The following BAZ1A variants were observed in gnomAD, a reference collection of about 807,000 sequenced individuals.
The protein encoded by BAZ1A is bromodomain adjacent to zinc finger domain 1A.
In BAZ1A, 50 loss-of-function variants were observed where a neutral mutation model predicts 185.2. The ratio of observed to expected loss-of-function variants is 0.27; its 90% CI spans 0.22 to 0.34. The LOEUF (loss-of-function observed/expected upper bound fraction) is 0.34, where lower values mean the gene tolerates loss of function less well. Among genes scored for constraint, BAZ1A ranks in the 10% least tolerant of loss-of-function variants. BAZ1A has a pLI of 1.00. For synonymous variants in BAZ1A, 571 were observed against 615.6 expected, an observed-to-expected ratio of 0.93 and a Z score of 1.07; for missense variants, 1,356 against 1,839.9, an observed-to-expected ratio of 0.74 and a Z score of 4.81.
chr14:34,841,411 G>A (rs890215876), intron 3 of BAZ1A, among the ~76,000 whole-genome samples: 3 of 151,340 alleles, frequency 2.0e-5, no homozygotes, highest in Admixed American at 6.6e-5. Flanking sequence ...CTTTTTTTTG[G>A]AGACAGTCTC....
intron 4 of BAZ1A, 78 bp from the exon 5 acceptor site, chr14:34,811,114 G>T: frequency 2.0e-6 from 2 of 1,004,338 alleles, no homozygotes; most frequent in South Asian, 1.5e-5. Context: ...TAGTTTCTAA[G>T]AATATACTAT....
At chr14:34,776,863 C>T (rs983383423) in intron 17 of BAZ1A, among the ~76,000 whole-genome samples, 6 of 152,216 alleles carry the variant, frequency 3.9e-5, no homozygotes, top group South Asian at 2.1e-4. Flanking sequence ...AGACACCAAC[C>T]CTGCTTGATC....
rs561435938 is a variant in BAZ1A at position 34,773,631 on chromosome 14, C to T, written c.3093G>A (p.Val1031=). 6.2e-6 allele frequency: 10 copies of T among 1,612,924 alleles called. No individual in the cohort carries two copies. In the African/African-American group the frequency reaches 1.1e-4, roughly 17 times the overall value. Residue 1031 remains valine, a synonymous_variant, in exon 20 of 27, where the codon GTG becomes GTA. Transcript: ENST00000360310. ...TTTCCATCTCTTCTACGTCTTCATT[C>T]ACAGTTTTAATTATCCCATTTTCCT... is the stretch of plus-strand genomic sequence containing the variant. ...ENKENGIIKT[V]NEDVEEMEID... is the part of the protein sequence containing the mutation.
chr14:34,807,835 G>C (rs1300608221), intron 5 of BAZ1A, among the ~76,000 whole-genome samples: 1 of 152,222 alleles, frequency 6.6e-6, no homozygotes, highest in Non-Finnish European at 1.5e-5. Context: ...GCCGGGCGCA[G>C]TGGCTCACGC....
chr14:34,865,513 G>C (rs1038599232), intron 2 of BAZ1A, among the ~76,000 whole-genome samples: 1 of 151,990 alleles, frequency 6.6e-6, no homozygotes, highest in African/African-American at 2.4e-5. Context: ...CTATTAGTTT[G>C]ATCTCCAAAA....
intron 24 of BAZ1A, among the ~76,000 whole-genome samples, chr14:34,761,328 AC>A (rs1886513441): frequency 6.6e-6 from 1 of 152,094 alleles, no homozygotes; most frequent in South Asian, 2.1e-4. Context: ...TAAAAATATT[AC>A]TGCTTCCAAC....
intron 26 of BAZ1A, among the ~76,000 whole-genome samples, chr14:34,754,203 G>A (rs1191458932): frequency 6.8e-6 from 1 of 147,298 alleles, no homozygotes; most frequent in Non-Finnish European, 1.5e-5. Context: ...AGTGAGCTGA[G>A]ATCGCACCAC....
At position 34,776,198 on chromosome 14, in the gene BAZ1A, C is replaced by G; in HGVS notation, c.2554G>C (p.Asp852His). ...SSFQNNVQSQ[D>H]PQVSTKTGEP... ...CCAGTTTTAGTGGATACCTGAGGATCTTGAGACTGTACATTATTCTGAAAT... is the reference window on the plus strand; with the variant it reads ...CCAGTTTTAGTGGATACCTGAGGATGTTGAGACTGTACATTATTCTGAAAT... Residue 852 changes from aspartate (D) to histidine (H), a missense_variant, in exon 18 of 27, where the codon GAT becomes CAT. Physicochemically the swap from Asp to His is moderately conservative, Grantham distance 81. This residue lies in a region of BAZ1A where 434 missense variants were observed against 561.7 expected (regional missense o/e 0.77). Coordinates refer to ENST00000360310, the MANE Select transcript of BAZ1A (RefSeq NM_013448.3). 6.2e-7 allele frequency: 1 copy of G among 1,614,156 alleles called. No homozygotes were observed. The highest frequency in any genetic ancestry group is 8.5e-7 in the Non-Finnish European group (1 of 1,180,018).
rs1199223631 is a variant in BAZ1A, at chr14:34,783,100, A to AGT, written c.2111+17_2111+18dup. ...TTTATGTATGGTAAAGCAGATGAAC[A>AGT]GTGTGATTCAAACCATACCCAATAG... On this transcript the variant is annotated intron_variant, in intron 16 of 26. Coordinates refer to ENST00000360310, the MANE Select transcript of BAZ1A (RefSeq NM_013448.3). 1 of 1,500,838 alleles carries AGT rather than the reference A, an allele frequency of 6.7e-7. No homozygotes were observed. The highest frequency in any genetic ancestry group is 9.2e-7 in the Non-Finnish European group (1 of 1,082,300). 93.0% of individuals were successfully genotyped at this position (1,500,838 alleles called of 1,614,324 possible).
intron 3 of BAZ1A, among the ~76,000 whole-genome samples, chr14:34,832,369 C>T (rs1411472984): frequency 6.6e-6 from 1 of 150,400 alleles, no homozygotes; most frequent in Non-Finnish European, 1.5e-5. Context: ...GGAATGCTTC[C>T]TAATTCATTC....
chr14:34,807,898 G>T (rs181617451), intron 5 of BAZ1A, among the ~76,000 whole-genome samples: 1 of 151,958 alleles, frequency 6.6e-6, no homozygotes, highest in Non-Finnish European at 1.5e-5. Context: ...GAGGTCAGGA[G>T]ATCAAGACAA....
intron 3 of BAZ1A, among the ~76,000 whole-genome samples, chr14:34,856,184 C>A (rs1048395096): frequency 1.3e-5 from 2 of 152,136 alleles, no homozygotes; most frequent in Non-Finnish European, 1.5e-5. Context: ...TAGGCCTAGC[C>A]TCAATGCCAC....
At chr14:34,848,981 C>G (rs1333976438) in intron 3 of BAZ1A, among the ~76,000 whole-genome samples, 2 of 152,104 alleles carry the variant, frequency 1.3e-5, no homozygotes, top group Non-Finnish European at 2.9e-5. Flanking sequence ...AACAGTTTAA[C>G]CAGTTCATGT....
chr14:34,790,309 T>TA (rs1310656233), intron 12 of BAZ1A, among the ~76,000 whole-genome samples: 6 of 152,052 alleles, frequency 3.9e-5, no homozygotes, highest in African/African-American at 1.4e-4. Flanking sequence ...GAGCTGGGGC[T>TA]ATAGGCTGCA....
At chr14:34,803,461 T>G (rs908136851) in intron 6 of BAZ1A, among the ~76,000 whole-genome samples, 1 of 152,002 alleles carries the variant, frequency 6.6e-6, no homozygotes, top group Middle Eastern at 3.4e-3. Flanking sequence ...TTTAGTTGGT[T>G]TAACCAATCC....
At chr14:34,837,707 C>A (rs1213399039) in intron 3 of BAZ1A, among the ~76,000 whole-genome samples, 1 of 152,122 alleles carries the variant, frequency 6.6e-6, no homozygotes, top group Non-Finnish European at 1.5e-5. Flanking sequence ...GCAGAATCAA[C>A]CAAATTAATT....
At chr14:34,801,615 A>C (rs952848181) in intron 7 of BAZ1A, among the ~76,000 whole-genome samples, 1 of 152,168 alleles carries the variant, frequency 6.6e-6, no homozygotes, top group Non-Finnish European at 1.5e-5. Flanking sequence ...TTTTTATTCT[A>C]AAGTATAATT....
At chr14:34,788,165 C>A (rs1398963326) in intron 12 of BAZ1A, among the ~76,000 whole-genome samples, 1 of 151,928 alleles carries the variant, frequency 6.6e-6, no homozygotes, top group Non-Finnish European at 1.5e-5. Flanking sequence ...TTACAGGCAC[C>A]CGCCACCACG....
At chr14:34,822,901 A>G (rs902597788) in intron 4 of BAZ1A, among the ~76,000 whole-genome samples, 5 of 152,218 alleles carry the variant, frequency 3.3e-5, no homozygotes, top group Admixed American at 6.5e-5. Flanking sequence ...ATTCAAAGTA[A>G]CAAATTAGCC....
Sources: allele counts gnomAD v4.1 joint callset (sites outside exome capture counted in the v4.1 genomes callset), GRCh38; gene constraint gnomAD v4.1.1; regional missense constraint gnomAD v4.1.1; transcripts MANE v1.5; gene names NCBI Gene and HGNC (gene_info 2026-07-23, HGNC 2026-07-21).